SLC22A24: variants seen among roughly 807,000 people sequenced by gnomAD.
The protein encoded by SLC22A24 is steroid transmembrane transporter SLC22A24.
Under a neutral mutation model 49.8 loss-of-function variants are expected in SLC22A24, and 53 were observed. That is an observed-to-expected ratio of 1.06 (90% CI 0.85 to 1.34). The LOEUF is 1.34. Among genes scored for constraint, SLC22A24 ranks in the 40% most tolerant of loss-of-function variants. SLC22A24 has a pLI of 0.00. For missense variants in SLC22A24, 786 were observed against 675.9 expected (o/e 1.16, Z -1.81); for synonymous variants, 302 against 256.4 (o/e 1.18, Z -1.70).
intron 7 of SLC22A24, among the ~76,000 whole-genome samples, chr11:63,082,931 CA>C (rs1247203426): frequency 3.3e-5 from 5 of 152,138 alleles, no homozygotes; most frequent in African/African-American, 1.2e-4. Context: ...GGTGATTAGC[CA>C]AAAAGCATGT....
rs2087107192 is a variant in SLC22A24, at chr11:63,104,224, A to G, written c.905T>C (p.Val302Ala). 1 of 1,550,372 alleles carries G rather than the reference A, an allele frequency of 6.5e-7. No individual in the cohort carries two copies. Among genetic ancestry groups the G allele is most frequent in the African/African-American group, 1.4e-5 (1 of 72,890 alleles). The change falls in exon 5 of 10, where the codon GTT becomes GCT. Residue 302 changes from valine to alanine, a missense_variant. Transcript: ENST00000612278. Reference protein sequence around the residue: ...LDEGLKELRRVAHINGKKNTE... With the variant: ...LDEGLKELRRAAHINGKKNTE... ...ATTCTTTTTTCCATTTATGTGTGCA[A>G]CTCTTCTAAGCTCCTTTAAGCCCTC...
Position 63,104,207 on chromosome 11 carries a change from T to C in SLC22A24, c.922A>G (p.Lys308Glu). The C allele has an allele frequency of 6.4e-7, 1 of 1,550,674 alleles. No individual in the cohort carries two copies. Among genetic ancestry groups the C allele is most frequent in the African/African-American group, 1.4e-5 (1 of 73,142 alleles). ...GTCAGTGTCTCTTCAGTATTCTTTT[T>C]TCCATTTATGTGTGCAACTCTTCTA... Reference protein sequence around the residue: ...ELRRVAHINGKKNTEETLTTE... With the variant: ...ELRRVAHINGEKNTEETLTTE... The change falls in exon 5 of 10, where the codon AAA (lysine) becomes GAA (glutamate). Residue 308 changes from lysine to glutamate, a missense_variant. Transcript: ENST00000612278.
At chr11:63,105,529 G>A (rs531539625) in intron 4 of SLC22A24, among the ~76,000 whole-genome samples, 9 of 152,258 alleles carry the variant, frequency 5.9e-5, no homozygotes, top group African/African-American at 1.7e-4. Flanking sequence ...ATACCACGTG[G>A]AAGCTGCCAA....
chr11:63,113,045 TATATATATAC>T lies in SLC22A24; in HGVS notation c.830+5857_830+5866del, dbSNP rs1292882289. Among the ~76,000 whole-genome samples the T allele has an allele frequency of 2.5e-3, 17 of 6,766 alleles. 3 individuals carry two copies. Among genetic ancestry groups the T allele is most frequent in the Non-Finnish European group, 6.5e-3 (11 of 1,688 alleles). 4.4% of individuals were successfully genotyped at this position (6,766 alleles called of 152,430 possible). A position where few individuals can be genotyped will look rare whatever the true frequency, so the allele number is the denominator to read the frequency against. On this transcript the variant is annotated intron_variant, in intron 4 of 9. Transcript: ENST00000612278. ...AAAAAAAAAAAAAAAAATATATATA[TATATATATAC>T]ATATATATATATACATATATATACA...
chr11:63,109,434 A>T (rs1353693763), intron 4 of SLC22A24, among the ~76,000 whole-genome samples: 1 of 145,254 alleles, frequency 6.9e-6, no homozygotes, highest in Non-Finnish European at 1.5e-5. Flanking sequence ...TGACTTCCAC[A>T]ATGGTTGAAC....
intron 4 of SLC22A24, among the ~76,000 whole-genome samples, chr11:63,105,649 G>A (rs1332713156): frequency 6.6e-6 from 1 of 152,128 alleles, no homozygotes; most frequent in Non-Finnish European, 1.5e-5. Context: ...GATGCACACA[G>A]CAGGGGTCCC....
At position 63,142,841 on chromosome 11, in the gene SLC22A24, T is replaced by G. The variant is rs572028012; in HGVS notation, c.402+537A>C. ...ACTGGCTGCCCCCCAACCACCAAGT[T>G]ATCCTTAAAAACTCTGCTCCCCGAA... On this transcript the variant is annotated intron_variant, in intron 1 of 9. Transcript: ENST00000612278. Among the ~76,000 whole-genome samples, 4 of 152,228 alleles carry G rather than the reference T, an allele frequency of 2.6e-5. No homozygotes were observed. The South Asian group carries it at 8.3e-4, about 32-fold the overall frequency.
At chr11:63,105,960 T>C (rs1208159410) in intron 4 of SLC22A24, among the ~76,000 whole-genome samples, 8 of 152,182 alleles carry the variant, frequency 5.3e-5, no homozygotes, top group Non-Finnish European at 8.8e-5. Context: ...CTTTAAGTTT[T>C]AGGGTACATG....
chr11:63,105,777 T>C (rs1306933437), intron 4 of SLC22A24, among the ~76,000 whole-genome samples: 2 of 152,164 alleles, frequency 1.3e-5, no homozygotes, highest in African/African-American at 2.4e-5. Flanking sequence ...TCTTGGTGAT[T>C]AGCCTTTGGC....
intron 6 of SLC22A24, among the ~76,000 whole-genome samples, chr11:63,083,675 G>T (rs1015688174): frequency 6.6e-6 from 1 of 152,170 alleles, no homozygotes; most frequent in Non-Finnish European, 1.5e-5. Context: ...GGAACATGAT[G>T]TTAAAATGGG....
At chr11:63,095,439 CA>C (rs2087048040) in intron 6 of SLC22A24, among the ~76,000 whole-genome samples, 1 of 152,074 alleles carries the variant, frequency 6.6e-6, no homozygotes, top group African/African-American at 2.4e-5. Flanking sequence ...GAATAAATTT[CA>C]CATATTTAAA....
chr11:63,089,690 T>A (rs2087006744), intron 6 of SLC22A24, among the ~76,000 whole-genome samples: 1 of 151,860 alleles, frequency 6.6e-6, no homozygotes, highest in African/African-American at 2.4e-5. Flanking sequence ...AATAAAGGGA[T>A]GGAGGAAGAT....
At chr11:63,114,875 T>A (rs1435120741) in intron 4 of SLC22A24, among the ~76,000 whole-genome samples, 2 of 152,182 alleles carry the variant, frequency 1.3e-5, no homozygotes, top group Non-Finnish European at 2.9e-5. Flanking sequence ...TTTGCCTGGG[T>A]ATCACCAGTG....
At chr11:63,124,657 G>T (rs190684634) in intron 2 of SLC22A24, among the ~76,000 whole-genome samples, 1 of 152,054 alleles carries the variant, frequency 6.6e-6, no homozygotes, top group African/African-American at 2.4e-5. Context: ...GCCACTGTTA[G>T]CTCTTACTAA....
chr11:63,091,343 C>G (rs528199849), intron 6 of SLC22A24, among the ~76,000 whole-genome samples: 93 of 152,258 alleles, frequency 6.1e-4, no homozygotes, highest in Non-Finnish European at 4.0e-4. Flanking sequence ...GGAGCTGGTA[C>G]CATTCCTTCT....
intron 6 of SLC22A24, among the ~76,000 whole-genome samples, chr11:63,090,784 T>C (rs897239069): frequency 6.6e-6 from 1 of 151,658 alleles, no homozygotes; most frequent in Non-Finnish European, 1.5e-5. Flanking sequence ...AAAGCAGTGT[T>C]AAGAAAGAAA....
chr11:63,082,742 G>A (rs973946922), intron 7 of SLC22A24, among the ~76,000 whole-genome samples: 1 of 152,234 alleles, frequency 6.6e-6, no homozygotes, highest in African/African-American at 2.4e-5. Context: ...TTCTAAAAAA[G>A]TGTTGCATTT....
At chr11:63,085,859 A>G (rs984896209) in intron 6 of SLC22A24, among the ~76,000 whole-genome samples, 3 of 152,228 alleles carry the variant, frequency 2.0e-5, no homozygotes, top group African/African-American at 7.2e-5. Flanking sequence ...ATATATGAGC[A>G]GAATGCACAT....
rs1211719455 is a variant in SLC22A24, at chr11:63,140,059, G to GT, written c.402+3318dup. 3.0e-5 allele frequency among the ~76,000 whole-genome samples: 4 copies of GT among 133,372 alleles called. No individual in the cohort carries two copies. The East Asian group carries it at 9.1e-4, about 31-fold the overall frequency. The allele number at this position is 133,372 out of a possible 152,430, so 87.5% of individuals were successfully genotyped here. A position where few individuals can be genotyped will look rare whatever the true frequency, so the allele number is the denominator to read the frequency against. Reference sequence around the variant, plus strand: ...TAGTAATCTTTTGGAAATAGAGACAGTTTTTTTGTTTTTTTGTTTTTTTTT... The same window carrying GT: ...TAGTAATCTTTTGGAAATAGAGACAGTTTTTTTTGTTTTTTTGTTTTTTTTT... On this transcript the variant is annotated intron_variant, in intron 1 of 9. Transcript: ENST00000612278.
Sources: gnomAD v4.1 joint callset for allele counts (sites outside exome capture counted in the v4.1 genomes callset) on GRCh38, gnomAD v4.1.1 for gene constraint, MANE v1.5 for transcripts, NCBI Gene and HGNC (gene_info 2026-07-23, HGNC 2026-07-21) for gene names.